Variants in SRD5A2 observed in about 807,000 individuals in gnomAD.
SRD5A2 encodes 3-oxo-5-alpha-steroid 4-dehydrogenase 2.
SRD5A2 carries 30 observed loss-of-function variants against 27.4 expected under a neutral mutation model. The ratio of observed to expected loss-of-function variants is 1.10; its 90% CI spans 0.82 to 1.49. The LOEUF is 1.49. Among genes scored for constraint, SRD5A2 ranks in the 40% most tolerant of loss-of-function variants. The pLI, the probability that SRD5A2 is intolerant of heterozygous loss-of-function variation, is 0.00. For missense variants in SRD5A2, 348 were observed against 323.4 expected (o/e 1.08, Z -0.58); for synonymous variants, 141 against 133.6 (o/e 1.06, Z -0.38).
chr2:31,528,382 T>C (rs773470593), intron 4 of SRD5A2, among the ~76,000 whole-genome samples: 53 of 152,218 alleles, frequency 3.5e-4, no homozygotes, highest in Non-Finnish European at 6.3e-4. Context: ...TTACCTGAAC[T>C]GTTAGCACCA....
upstream of SRD5A2, chr2:31,580,982 C>A: frequency 7.0e-7 from 1 of 1,424,350 alleles, no homozygotes; most frequent in Non-Finnish European, 9.3e-7. Flanking sequence ...GCGCCAGACG[C>A]CACCCGTGTC....
At chr2:31,642,876 G>T in the SRD5A2 span, among the ~76,000 whole-genome samples, 9 of 151,966 alleles carry the variant, frequency 5.9e-5, no homozygotes, top group Non-Finnish European at 1.5e-5. Flanking sequence ...ATTGACACAT[G>T]CAAAATTGTG....
the SRD5A2 span, among the ~76,000 whole-genome samples, chr2:31,647,093 C>T: frequency 6.6e-6 from 1 of 151,296 alleles, no homozygotes; most frequent in African/African-American, 2.4e-5. Flanking sequence ...TGCAGTGAGC[C>T]GAGATCACAC....
the SRD5A2 span, among the ~76,000 whole-genome samples, chr2:31,650,286 C>G: frequency 7.2e-5 from 11 of 152,126 alleles, no homozygotes; most frequent in African/African-American, 2.4e-4. Flanking sequence ...TATAGATGGA[C>G]ACATATGGCA....
chr2:31,532,468 C>T (rs904465091), intron 2 of SRD5A2, among the ~76,000 whole-genome samples: 1 of 151,826 alleles, frequency 6.6e-6, no homozygotes, highest in African/African-American at 2.4e-5. Context: ...AGCCACATAT[C>T]CTGGAGGTGT....
upstream of SRD5A2, among the ~76,000 whole-genome samples, chr2:31,582,411 T>C (rs1017198217): frequency 6.6e-6 from 1 of 152,202 alleles, no homozygotes; most frequent in African/African-American, 2.4e-5. Flanking sequence ...GAGTCGTTTA[T>C]CATATTCCCA....
the SRD5A2 span, among the ~76,000 whole-genome samples, chr2:31,591,328 A>G: frequency 7.2e-5 from 11 of 152,222 alleles, no homozygotes; most frequent in African/African-American, 2.4e-4. Context: ...CAAAAGACAC[A>G]TGAAAAAATG....
At chr2:31,555,060 G>T (rs1666467680) in intron 1 of SRD5A2, among the ~76,000 whole-genome samples, 1 of 151,274 alleles carries the variant, frequency 6.6e-6, no homozygotes, top group Admixed American at 6.6e-5. Context: ...CTACAAAGAG[G>T]CAGCAGAGAT....
chr2:31,607,130 A>G, the SRD5A2 span, among the ~76,000 whole-genome samples: 1 of 152,042 alleles, frequency 6.6e-6, no homozygotes, highest in Non-Finnish European at 1.5e-5. Flanking sequence ...AAAAGTTGGA[A>G]AAAAACATAG....
chr2:31,595,052 G>C, the SRD5A2 span, among the ~76,000 whole-genome samples: 1 of 152,182 alleles, frequency 6.6e-6, no homozygotes, highest in East Asian at 1.9e-4. Flanking sequence ...CTGGGATACA[G>C]CAAAAGCAGT....
the SRD5A2 span, among the ~76,000 whole-genome samples, chr2:31,643,772 T>C: frequency 6.6e-6 from 1 of 152,158 alleles, no homozygotes; most frequent in Non-Finnish European, 1.5e-5. Flanking sequence ...AAATAAGTAA[T>C]TGTGATAAGC....
At chr2:31,605,683 GTACA>G in the SRD5A2 span, among the ~76,000 whole-genome samples, 4 of 151,582 alleles carry the variant, frequency 2.6e-5, no homozygotes, top group Admixed American at 1.3e-4. Flanking sequence ...GGGAACATTT[GTACA>G]CTGTTTGTGG....
Position 31,536,954 on chromosome 2 carries a change from G to GT in SRD5A2, c.282-3189dup, listed in dbSNP as rs138689917. ...CTGATAAGTACTCTGTAAATATAAA[G>GT]TTTTTTTATCATTGCTAAGTAAATA... On this transcript the variant is annotated intron_variant, in intron 1 of 4. Transcript: ENST00000622030. 2.6e-3 allele frequency among the ~76,000 whole-genome samples: 396 copies of GT among 152,260 alleles called. 1 individual carries two copies. Among genetic ancestry groups the GT allele is most frequent in the Non-Finnish European group, 3.8e-3 (261 of 68,006 alleles).
chr2:31,603,955 C>T, the SRD5A2 span, among the ~76,000 whole-genome samples: 189 of 151,726 alleles, frequency 1.2e-3, no homozygotes, highest in African/African-American at 4.2e-3. Flanking sequence ...GGGCTTAATA[C>T]CTAGGTGATG....
chr2:31,623,770 A>G, the SRD5A2 span, among the ~76,000 whole-genome samples: 2 of 152,072 alleles, frequency 1.3e-5, no homozygotes, highest in Non-Finnish European at 2.9e-5. Flanking sequence ...ATTTAGAGGT[A>G]TGTTCCTTCA....
chr2:31,654,480 C>G, the SRD5A2 span, among the ~76,000 whole-genome samples: 1 of 152,100 alleles, frequency 6.6e-6, no homozygotes, highest in Non-Finnish European at 1.5e-5. Flanking sequence ...GCTGGGGGAT[C>G]CAAAGCAGAA....
intron 1 of SRD5A2, among the ~76,000 whole-genome samples, chr2:31,566,193 G>A (rs1438908484): frequency 2.0e-5 from 3 of 152,002 alleles, no homozygotes; most frequent in African/African-American, 7.2e-5. Context: ...GAATTTGTGA[G>A]GTGCCACAAA....
At chr2:31,655,353 G>A in the SRD5A2 span, among the ~76,000 whole-genome samples, 3 of 152,098 alleles carry the variant, frequency 2.0e-5, no homozygotes, top group Non-Finnish European at 2.9e-5. Context: ...CACCCGCCTC[G>A]GCCTCCCAAA....
chr2:31,660,091 C>A, the SRD5A2 span, among the ~76,000 whole-genome samples: 5 of 151,794 alleles, frequency 3.3e-5, no homozygotes, highest in Non-Finnish European at 7.4e-5. Context: ...TTTAAAAAAT[C>A]TCCCATATCT....
Sources: allele counts gnomAD v4.1 joint callset (sites outside exome capture counted in the v4.1 genomes callset), GRCh38; gene constraint gnomAD v4.1.1; transcripts MANE v1.5; gene names NCBI Gene and HGNC (gene_info 2026-07-23, HGNC 2026-07-21).